The following ABTB3 variants were observed in gnomAD, a reference collection of about 807,000 sequenced individuals.
ABTB3 encodes the protein ankyrin repeat and BTB domain containing 3.
chr12:107,638,092 GT>G, the ABTB3 span, among the ~76,000 whole-genome samples: 1 of 152,076 alleles, frequency 6.6e-6, no homozygotes, highest in Admixed American at 6.6e-5. Flanking sequence ...TCTGGGGGGA[GT>G]TTTTTAATTA....
chr12:107,367,023 C>T, the ABTB3 span, among the ~76,000 whole-genome samples: 49 of 152,326 alleles, frequency 3.2e-4, no homozygotes, highest in Non-Finnish European at 5.3e-4. Context: ...AGCTGGAGCA[C>T]AGCCCCCAAC....
the ABTB3 span, chr12:107,319,238 A>C: frequency 6.4e-7 from 1 of 1,565,820 alleles, no homozygotes; most frequent in Admixed American, 1.8e-5. Flanking sequence ...GGTCCCCTGG[A>C]CTCTCCAGGA....
At chr12:107,596,571 C>T in the ABTB3 span, among the ~76,000 whole-genome samples, 1 of 152,104 alleles carries the variant, frequency 6.6e-6, no homozygotes, top group African/African-American at 2.4e-5. Context: ...GCTGAGATCG[C>T]ACTACCACAC....
chr12:107,426,916 G>T, the ABTB3 span, among the ~76,000 whole-genome samples: 1 of 152,042 alleles, frequency 6.6e-6, no homozygotes, highest in Non-Finnish European at 1.5e-5. Flanking sequence ...CCTGTGACCT[G>T]GCAGTAGCCC....
chr12:107,520,355 C>A, the ABTB3 span: 1 of 1,471,394 alleles, frequency 6.8e-7, no homozygotes, highest in Non-Finnish European at 9.0e-7. Context: ...GCGTTGGTTC[C>A]TACATTGGCT....
the ABTB3 span, among the ~76,000 whole-genome samples, chr12:107,615,777 A>G: frequency 6.6e-6 from 1 of 152,232 alleles, no homozygotes; most frequent in Non-Finnish European, 1.5e-5. Context: ...TGGCTGTTGT[A>G]GAGTTGGTGT....
the ABTB3 span, among the ~76,000 whole-genome samples, chr12:107,380,812 C>T: frequency 2.0e-5 from 3 of 151,958 alleles, no homozygotes; most frequent in African/African-American, 7.3e-5. Context: ...TTTTTCTCAT[C>T]CTTTTAGTAT....
chr12:107,381,533 A>G, the ABTB3 span, among the ~76,000 whole-genome samples: 1 of 152,260 alleles, frequency 6.6e-6, no homozygotes, highest in Non-Finnish European at 1.5e-5. Context: ...CAGCAAGGGC[A>G]GATACAAGAG....
chr12:107,499,373 T>TGTGTGTGTGCGTGTG, the ABTB3 span, among the ~76,000 whole-genome samples: 1 of 151,646 alleles, frequency 6.6e-6, no homozygotes, highest in African/African-American at 2.4e-5. Context: ...TGTGTGTGTG[T>TGTGTGTGTGCGTGTG]GTGTGTGTGC....
the ABTB3 span, among the ~76,000 whole-genome samples, chr12:107,538,595 C>T: frequency 3.3e-5 from 5 of 152,314 alleles, no homozygotes; most frequent in African/African-American, 9.6e-5. Flanking sequence ...TTGATTTCAG[C>T]ACCAGCTTCC....
chr12:107,475,567 C>T, the ABTB3 span, among the ~76,000 whole-genome samples: 1 of 152,142 alleles, frequency 6.6e-6, no homozygotes, highest in Admixed American at 6.5e-5. Flanking sequence ...TGATCTGACC[C>T]AGATCCTTTG....
chr12:107,372,195 G>A, the ABTB3 span, among the ~76,000 whole-genome samples: 3 of 152,196 alleles, frequency 2.0e-5, no homozygotes, highest in African/African-American at 7.2e-5. Context: ...TTGGATCAAT[G>A]AATGAATATA....
the ABTB3 span, among the ~76,000 whole-genome samples, chr12:107,583,443 C>T: frequency 4.6e-5 from 7 of 152,214 alleles, no homozygotes; most frequent in Non-Finnish European, 7.3e-5. Context: ...ACTCTGCCAA[C>T]ATCACACAGA....
chr12:107,527,628 T>C, the ABTB3 span, among the ~76,000 whole-genome samples: 1 of 152,092 alleles, frequency 6.6e-6, no homozygotes, highest in African/African-American at 2.4e-5. Flanking sequence ...TAAAACAATA[T>C]TCAGCACACA....
At chr12:107,328,067 GA>G in the ABTB3 span, among the ~76,000 whole-genome samples, 1 of 152,164 alleles carries the variant, frequency 6.6e-6, no homozygotes, top group Non-Finnish European at 1.5e-5. Flanking sequence ...GATGTAAGGG[GA>G]CTGAAAATTA....
the ABTB3 span, among the ~76,000 whole-genome samples, chr12:107,531,975 G>T: frequency 6.6e-6 from 1 of 152,118 alleles, no homozygotes. Flanking sequence ...GGGAACAGGC[G>T]GTCTTGCACA....
At chr12:107,651,600 C>A in the ABTB3 span, 2 of 1,001,116 alleles carry the variant, frequency 2.0e-6, no homozygotes, top group South Asian at 1.4e-5. Context: ...ACTGTCTCAC[C>A]ACTATAGTTC....
the ABTB3 span, among the ~76,000 whole-genome samples, chr12:107,593,622 A>C: frequency 6.6e-6 from 1 of 152,246 alleles, no homozygotes; most frequent in African/African-American, 2.4e-5. Context: ...GGAATGGATT[A>C]ATTAGGATAT....
chr12:107,339,593 A>C, the ABTB3 span, among the ~76,000 whole-genome samples: 1 of 152,110 alleles, frequency 6.6e-6, no homozygotes, highest in Admixed American at 6.5e-5. Context: ...AGGAAGCTTC[A>C]GTGTGTTTTC....
Sources: allele counts gnomAD v4.1 joint callset (sites outside exome capture counted in the v4.1 genomes callset), GRCh38; gene constraint gnomAD v4.1.1; transcripts MANE v1.5; gene names NCBI Gene and HGNC (gene_info 2026-07-23, HGNC 2026-07-21).